The following RYR2 variants were observed in gnomAD, a reference collection of about 807,000 sequenced individuals.
RYR2 encodes ryanodine receptor 2.
A neutral mutation model predicts 601.1 loss-of-function variants in RYR2; 227 were observed. The observed-to-expected ratio is 0.38, with a 90% CI of 0.34 to 0.42. The LOEUF (loss-of-function observed/expected upper bound fraction) is 0.42. Ranked by LOEUF, RYR2 falls within the 10% of genes least tolerant of loss-of-function variation. RYR2 has a pLI of 1.00. For missense variants in RYR2, 4,646 were observed against 6,156.5 expected (o/e 0.75, Z 8.21); for synonymous variants, 2,223 against 2,175.1 (o/e 1.02, Z -0.61).
intron 49 of RYR2, 101 bp from the exon 50 acceptor site, chr1:237,649,776 T>A (rs1682538097): frequency 6.4e-6 from 6 of 941,228 alleles, no homozygotes; most frequent in Non-Finnish European, 8.1e-6. Flanking sequence ...CATAGTGCTA[T>A]CATCTTCCGG....
At chr1:237,337,653 A>C (rs542743468) in intron 3 of RYR2, among the ~76,000 whole-genome samples, 62 of 152,312 alleles carry the variant, frequency 4.1e-4, no homozygotes, top group Admixed American at 1.4e-3. Flanking sequence ...GTGGCATGCA[A>C]GAAGCACTAT....
At chr1:237,566,388 C>G (rs1306277352) in intron 27 of RYR2, among the ~76,000 whole-genome samples, 179 bp from the exon 28 acceptor site, 1 of 152,098 alleles carries the variant, frequency 6.6e-6, no homozygotes, top group Non-Finnish European at 1.5e-5. Context: ...AGTGGCTGAT[C>G]CTAGATCAGA....
intron 61 of RYR2, among the ~76,000 whole-genome samples, chr1:237,678,402 C>G (rs529865098): frequency 2.0e-5 from 3 of 152,180 alleles, no homozygotes; most frequent in South Asian, 2.1e-4. Context: ...TAAAAAATAT[C>G]TATTTCTTAA....
rs529708446 is a variant in RYR2 at position 237,741,571 on chromosome 1, A to G, written c.11092-725A>G. On this transcript the variant is annotated intron_variant, in intron 79 of 104. Transcript: ENST00000366574. ...ATAATAATAATAGCAGCTGAGATGT[A>G]TTAAAAGCATGTATTTTTCAGACTC... 7.9e-5 allele frequency among the ~76,000 whole-genome samples: 12 copies of G among 152,208 alleles called. No homozygotes were observed. The South Asian group carries it at 2.3e-3, about 29-fold the overall frequency.
chr1:237,601,292 G>A (rs1296953242), intron 34 of RYR2, among the ~76,000 whole-genome samples: 2 of 152,162 alleles, frequency 1.3e-5, no homozygotes, highest in South Asian at 2.1e-4. Flanking sequence ...CAATATGGGT[G>A]AGCCTGGAGG....
intron 61 of RYR2, 22 bp downstream of exon 61, chr1:237,678,134 G>T (rs1434899602): frequency 7.0e-7 from 1 of 1,425,068 alleles, no homozygotes; most frequent in African/African-American, 1.4e-5. Context: ...AATCTATCTT[G>T]TTTTTGCTTC....
chr1:237,110,267 A>AT (rs71178393), intron 1 of RYR2, among the ~76,000 whole-genome samples: 8 of 150,426 alleles, frequency 5.3e-5, no homozygotes, highest in South Asian at 2.1e-4. Context: ...GAAAATGGGC[A>AT]TTTTTTTTTT....
At chr1:237,791,684 T>G (rs898780840) in intron 93 of RYR2, among the ~76,000 whole-genome samples, 169 bp downstream of exon 93, 12 of 152,196 alleles carry the variant, frequency 7.9e-5, no homozygotes, top group African/African-American at 2.9e-4. Flanking sequence ...GCAAGATAGA[T>G]TTGTTCCTGA....
chr1:237,454,293 T>G, intron 14 of RYR2, 98 bp from the exon 15 acceptor site: 1 of 1,218,744 alleles, frequency 8.2e-7, no homozygotes, highest in Non-Finnish European at 1.1e-6. Context: ...TTTACAGTGA[T>G]GTAGGGAGAG....
At chr1:237,789,890 C>T (rs966250658) in intron 92 of RYR2, among the ~76,000 whole-genome samples, 2 of 152,190 alleles carry the variant, frequency 1.3e-5, no homozygotes, top group African/African-American at 4.8e-5. Context: ...GACCCAGATC[C>T]ACCTTCCAAG....
chr1:237,127,504 G>C (rs2148679858), intron 1 of RYR2, among the ~76,000 whole-genome samples: 1 of 151,760 alleles, frequency 6.6e-6, no homozygotes, highest in African/African-American at 2.4e-5. Flanking sequence ...CGGCTGGCCG[G>C]GCGGGGGGCT....
chr1:237,637,165 G>A (rs1458238598), intron 44 of RYR2, among the ~76,000 whole-genome samples: 2 of 152,182 alleles, frequency 1.3e-5, no homozygotes, highest in South Asian at 2.1e-4. Context: ...AAAGAGATGA[G>A]TTTATTGCAC....
intron 20 of RYR2, among the ~76,000 whole-genome samples, chr1:237,499,184 G>A (rs546739680): frequency 6.6e-6 from 1 of 151,862 alleles, no homozygotes; most frequent in East Asian, 1.9e-4. Context: ...AGTATTTCTC[G>A]GAACAAGGAT....
At chr1:237,741,953 C>A (rs1691643961) in intron 79 of RYR2, among the ~76,000 whole-genome samples, 1 of 151,742 alleles carries the variant, frequency 6.6e-6, no homozygotes, top group Non-Finnish European at 1.5e-5. Context: ...ATTGCAATGG[C>A]AGCATAAAAA....
At position 237,171,802 on chromosome 1, in the gene RYR2, G is replaced by T. The variant is rs895791322; in HGVS notation, c.49-98695G>T. Among the ~76,000 whole-genome samples, 8 of 152,300 alleles carry T rather than the reference G, an allele frequency of 5.3e-5. No homozygotes were observed. The East Asian group carries it at 1.5e-3, about 29-fold the overall frequency. Reference sequence around the variant, plus strand: ...TTTGCCACACACCCAGTGAGTAATGGTATGGCTTTGCTTCCCAAACAGGTT... The same window carrying T: ...TTTGCCACACACCCAGTGAGTAATGTTATGGCTTTGCTTCCCAAACAGGTT... On this transcript the variant is annotated intron_variant, in intron 1 of 104. Coordinates refer to ENST00000366574, the MANE Select transcript of RYR2 (RefSeq NM_001035.3).
intron 7 of RYR2, among the ~76,000 whole-genome samples, chr1:237,375,224 G>A (rs1390442109): frequency 6.6e-6 from 1 of 152,106 alleles, no homozygotes; most frequent in Admixed American, 6.5e-5. Flanking sequence ...CTGCCCACAG[G>A]GCATTATTCT....
At chr1:237,242,806 G>C (rs982248787) in intron 1 of RYR2, among the ~76,000 whole-genome samples, 1 of 152,136 alleles carries the variant, frequency 6.6e-6, no homozygotes, top group Non-Finnish European at 1.5e-5. Context: ...TGATTTACTC[G>C]AGTTACTGAT....
At chr1:237,827,061 T>C (rs1455150647) in intron 101 of RYR2, among the ~76,000 whole-genome samples, 1 of 152,220 alleles carries the variant, frequency 6.6e-6, no homozygotes, top group African/African-American at 2.4e-5. Flanking sequence ...ATTAAATGTC[T>C]GTAAATGTGA....
intron 1 of RYR2, among the ~76,000 whole-genome samples, chr1:237,254,063 G>C (rs1361801279): frequency 3.9e-5 from 6 of 152,124 alleles, no homozygotes; most frequent in Non-Finnish European, 8.8e-5. Context: ...AAATTGGGGA[G>C]ATACATGTCA....
Sources: gnomAD v4.1 joint callset for allele counts (sites outside exome capture counted in the v4.1 genomes callset) on GRCh38, gnomAD v4.1.1 for gene constraint, MANE v1.5 for transcripts, NCBI Gene and HGNC (gene_info 2026-07-23, HGNC 2026-07-21) for gene names.